Variants in COPA observed in about 807,000 individuals in gnomAD.
COPA encodes the protein coatomer subunit alpha.
Under a neutral mutation model 158.7 loss-of-function variants are expected in COPA, and 10 were observed. That is an observed-to-expected ratio of 0.06 (90% confidence interval 0.04 to 0.11). The LOEUF (loss-of-function observed/expected upper bound fraction) is 0.11. Among genes scored for constraint, COPA ranks in the 10% least tolerant of loss-of-function variants. The probability of loss-of-function intolerance (pLI) is 1.00; values close to 1 mark genes in which losing one functional copy is unlikely to be tolerated. For synonymous variants in COPA, 462 were observed against 542.8 expected, an observed-to-expected ratio of 0.85 and a Z score of 2.07; for missense variants, 1,065 against 1,536.7, an observed-to-expected ratio of 0.69 and a Z score of 5.13.
chr1:160,294,102 T>G (rs1308211228), intron 25 of COPA, among the ~76,000 whole-genome samples: 4 of 152,208 alleles, frequency 2.6e-5, no homozygotes. Context: ...TTGGAGCATA[T>G]CAGGATAGAT....
chr1:160,317,475 A>G, intron 8 of COPA: 1 of 1,609,766 alleles, frequency 6.2e-7, no homozygotes, highest in South Asian at 1.1e-5. Context: ...TTAAACTCAA[A>G]GTCATTGGAC....
In COPA at chr1:160,295,842, A is replaced by T; in HGVS notation, c.2370T>A (p.Pro790=). ...CAGGTGGCTGGAGCAGCTTGGCATT[A>T]GGGTCAATGTCTGGGATCTGAATAG... ...PEKETIPDID[P]NAKLLQPPAP... The change falls in exon 23 of 33, where the codon CCT becomes CCA. Residue 790 remains proline (P), a synonymous_variant. Transcript: ENST00000241704. 6.2e-7 allele frequency: 1 copy of T among 1,611,246 alleles called. No individual in the cohort carries two copies. Among genetic ancestry groups the T allele is most frequent in the Non-Finnish European group, 8.5e-7 (1 of 1,179,178 alleles).
chr1:160,308,900 C>G (rs1264956009), intron 13 of COPA: 2 of 508,984 alleles, frequency 3.9e-6, no homozygotes, highest in Non-Finnish European at 7.1e-6. Context: ...ATATATATAT[C>G]TAGCTGGGGT....
intron 13 of COPA, 103 bp downstream of exon 13, chr1:160,308,998 T>C: frequency 4.6e-6 from 4 of 865,054 alleles, no homozygotes; most frequent in East Asian, 5.0e-5. Context: ...ACATGAGTGA[T>C]GTGGCCATGG....
chr1:160,293,054 T>C, intron 27 of COPA, 112 bp downstream of exon 27: 1 of 1,088,914 alleles, frequency 9.2e-7, no homozygotes, highest in Non-Finnish European at 1.4e-6. Context: ...TCATGAAAAA[T>C]ATACACCTTT....
chr1:160,321,237 T>C (rs2101857351), intron 8 of COPA, among the ~76,000 whole-genome samples: 1 of 152,228 alleles, frequency 6.6e-6, no homozygotes, highest in Non-Finnish European at 1.5e-5. Context: ...ACAACTAATA[T>C]TACACTTAAT....
chr1:160,335,883 C>CAAAAAAA (rs10562824), intron 3 of COPA, among the ~76,000 whole-genome samples: 3 of 68,006 alleles, frequency 4.4e-5, no homozygotes, highest in Non-Finnish European at 8.1e-5. Flanking sequence ...GACTCAGTCT[C>CAAAAAAA]AAAAAAAAAA....
At chr1:160,333,495 A>T (rs1439052616) in intron 5 of COPA, 108 bp downstream of exon 5, 1 of 717,182 alleles carries the variant, frequency 1.4e-6, no homozygotes, top group Non-Finnish European at 2.3e-6. Flanking sequence ...GTAATTAATC[A>T]GCCGACATAG....
chr1:160,342,630 CG>C (rs1380304131), intron 1 of COPA, among the ~76,000 whole-genome samples: 1 of 152,070 alleles, frequency 6.6e-6, no homozygotes, highest in Non-Finnish European at 1.5e-5. Context: ...GTACTATTTC[CG>C]GGTAGTAAAT....
intron 17 of COPA, among the ~76,000 whole-genome samples, chr1:160,302,524 T>C (rs1456666230): frequency 6.6e-6 from 1 of 151,794 alleles, no homozygotes; most frequent in Admixed American, 6.6e-5. Context: ...CCACAAACTT[T>C]TTTTGTGTGG....
intron 8 of COPA, among the ~76,000 whole-genome samples, chr1:160,318,578 C>A (rs1484584137): frequency 2.1e-5 from 3 of 145,298 alleles, no homozygotes; most frequent in African/African-American, 7.7e-5. Flanking sequence ...CATAGACAAA[C>A]CCAGAAGACT....
chr1:160,318,986 A>G (rs1248077482), intron 8 of COPA, among the ~76,000 whole-genome samples: 1 of 152,030 alleles, frequency 6.6e-6, no homozygotes, highest in Non-Finnish European at 1.5e-5. Context: ...AAAAAAAAAC[A>G]AAACAAAACC....
chr1:160,328,341 T>C (rs1259883690), intron 6 of COPA, among the ~76,000 whole-genome samples: 1 of 152,232 alleles, frequency 6.6e-6, no homozygotes, highest in Non-Finnish European at 1.5e-5. Context: ...GAAGGCTTTG[T>C]TGCATTTGCG....
chr1:160,334,505 G>A (rs1385927802), intron 4 of COPA, among the ~76,000 whole-genome samples: 1 of 151,980 alleles, frequency 6.6e-6, no homozygotes, highest in Admixed American at 6.6e-5. Flanking sequence ...TGTTTAAGCT[G>A]TAATTTTCTC....
chr1:160,308,841 T>C (rs1658873825), intron 13 of COPA: 2 of 415,744 alleles, frequency 4.8e-6, no homozygotes, highest in Non-Finnish European at 4.3e-6. Flanking sequence ...TAGGATAACA[T>C]GCTGTGCTGA....
intron 4 of COPA, among the ~76,000 whole-genome samples, chr1:160,334,475 G>A (rs1039050109): frequency 2.0e-5 from 3 of 152,112 alleles, no homozygotes; most frequent in African/African-American, 7.2e-5. Flanking sequence ...TTATCTTATT[G>A]AGTGGTTATC....
chr1:160,331,114 G>A (rs1647492507), intron 6 of COPA, among the ~76,000 whole-genome samples: 1 of 152,128 alleles, frequency 6.6e-6, no homozygotes, highest in Non-Finnish European at 1.5e-5. Context: ...ACTGGTCAGA[G>A]AACTACAGCA....
At chr1:160,297,924 A>G (rs1192918672) in intron 19 of COPA, among the ~76,000 whole-genome samples, 179 bp from the exon 20 acceptor site, 1 of 152,176 alleles carries the variant, frequency 6.6e-6, no homozygotes, top group Non-Finnish European at 1.5e-5. Flanking sequence ...TCACATCTGT[A>G]ATCCCAGCAC....
chr1:160,322,512 A>G (rs1325397007), intron 8 of COPA, among the ~76,000 whole-genome samples: 1 of 152,230 alleles, frequency 6.6e-6, no homozygotes, highest in East Asian at 1.9e-4. Context: ...GTCCCAGGAC[A>G]TTGTCTGGGC....
Sources: allele counts gnomAD v4.1 joint callset (sites outside exome capture counted in the v4.1 genomes callset), GRCh38; gene constraint gnomAD v4.1.1; transcripts MANE v1.5; gene names NCBI Gene and HGNC (gene_info 2026-07-23, HGNC 2026-07-21).